The following PFKFB3 variants were observed in gnomAD, a reference collection of about 807,000 sequenced individuals.
The protein encoded by PFKFB3 is 6-phosphofructo-2-kinase/fructose-2,6-biphosphatase 3, also known as 6-phosphofructo-2-kinase/fructose-2,6-bisphosphatase 3.
A neutral mutation model predicts 68.0 loss-of-function variants in PFKFB3; 33 were observed. That is an observed-to-expected ratio of 0.49 (90% CI 0.37 to 0.65). PFKFB3 has a LOEUF of 0.65. Ranked by LOEUF, PFKFB3 falls within the 30% of genes least tolerant of loss-of-function variation. The pLI is 0.00. For missense variants in PFKFB3, 586 were observed against 712.2 expected (o/e 0.82, Z 2.02); for synonymous variants, 315 against 288.2 (o/e 1.09, Z -0.94).
In PFKFB3 at chr10:6,206,575, C is replaced by CGG. The variant is rs1491105357; in HGVS notation, c.76+3239_76+3240insGG. Among the ~76,000 whole-genome samples, 10 of 51,122 alleles carry CGG rather than the reference C, an allele frequency of 2.0e-4. No individual in the cohort carries two copies. The South Asian group carries it at 3.1e-3, about 16-fold the overall frequency. 33.5% of individuals were successfully genotyped at this position (51,122 alleles called of 152,430 possible). A position where few individuals can be genotyped will look rare whatever the true frequency, so the allele number is the denominator to read the frequency against. ...CTCCCGGACGGGGCGGCTGGCCGGGCAGGGGCTGACCCCCCCACCTCCCTC... is the reference window on the plus strand; with the variant it reads ...CTCCCGGACGGGGCGGCTGGCCGGGCGGAGGGGCTGACCCCCCCACCTCCCTC... On this transcript the variant is annotated intron_variant, in intron 1 of 14. Coordinates refer to ENST00000379775, the MANE Select transcript of PFKFB3 (RefSeq NM_004566.4).
chr10:6,241,827 A>C (rs4750161), intron 14 of PFKFB3, among the ~76,000 whole-genome samples: 56,411 of 147,138 alleles, frequency 0.38, 11,029 homozygotes, highest in Middle Eastern at 0.49. Flanking sequence ...CTTTTTTTTA[A>C]TTTTTTTTTG....
Position 6,234,583 on chromosome 10 carries a change from G to A in PFKFB3, c.*1641G>A, listed in dbSNP as rs1845921679. ...ATGTCTCTGTCCGCATTCCCGTGCA[G>A]CTCCAGGCTCGCGCAGTTTTCTCTC... On this transcript the variant is annotated 3_prime_UTR_variant, in exon 15 of 15. Transcript: ENST00000379775. 1 of 152,278 alleles carries A rather than the reference G, an allele frequency of 6.6e-6. No individual in the cohort carries two copies. The highest frequency in any genetic ancestry group is 1.9e-4 in the East Asian group (1 of 5,318). The allele number at this position is 152,278 out of a possible 1,614,324, so 9.4% of individuals were successfully genotyped here.
chr10:6,241,356 G>A (rs866628013), intron 14 of PFKFB3, among the ~76,000 whole-genome samples: 1 of 152,146 alleles, frequency 6.6e-6, no homozygotes, highest in African/African-American at 2.4e-5. Flanking sequence ...TTCCTTCTGG[G>A]GATGTTAACT....
In PFKFB3 at chr10:6,234,617, G is replaced by A. The variant is rs2132063188; in HGVS notation, c.*1675G>A. 6.6e-6 allele frequency: 1 copy of A among 152,348 alleles called. No individual in the cohort carries two copies. Among genetic ancestry groups the A allele is most frequent in the Middle Eastern group, 3.4e-3 (1 of 294 alleles). The allele number at this position is 152,348 out of a possible 1,614,324, so 9.4% of individuals were successfully genotyped here. A position where few individuals can be genotyped will look rare whatever the true frequency, so the allele number is the denominator to read the frequency against. ...TCGCGCAGTTTTCTCTCTCTCCCTGGATGTTGAGTCTCATCAGAATATGTG... is the reference window on the plus strand; with the variant it reads ...TCGCGCAGTTTTCTCTCTCTCCCTGAATGTTGAGTCTCATCAGAATATGTG... On this transcript the variant is annotated 3_prime_UTR_variant, in exon 15 of 15. Coordinates refer to ENST00000379775, the MANE Select transcript of PFKFB3 (RefSeq NM_004566.4).
At chr10:6,208,804 C>T (rs528639635) in intron 1 of PFKFB3, among the ~76,000 whole-genome samples, 7 of 152,298 alleles carry the variant, frequency 4.6e-5, no homozygotes, top group African/African-American at 1.7e-4. Context: ...GTGGGGGATT[C>T]ACCATCCATC....
chr10:6,174,762 CTG>C (rs1842413017), intron 1 of PFKFB3, among the ~76,000 whole-genome samples: 1 of 152,076 alleles, frequency 6.6e-6, no homozygotes. Flanking sequence ...TCTGGGGTCC[CTG>C]TGTGTGTAAA....
In PFKFB3 at chr10:6,154,198, TG is replaced by T. The variant is rs1841693756; in HGVS notation, c.16+9187del. Reference sequence around the variant, plus strand: ...GTAGGGCCTTGTTTGGCCTCTCAGCTGGAGACAGGAAGGCCTGGGAGGGTTT... The same window carrying T: ...GTAGGGCCTTGTTTGGCCTCTCAGCTGAGACAGGAAGGCCTGGGAGGGTTT... On this transcript the variant is annotated intron_variant, in intron 1 of 14. Transcript: ENST00000379789. The surrounding 1 kb of genome is among the most constrained non-coding windows in gnomAD (Gnocchi z 4.6). Among the ~76,000 whole-genome samples, 1 of 150,564 alleles carries T rather than the reference TG, an allele frequency of 6.6e-6. No individual in the cohort carries two copies. Among genetic ancestry groups the T allele is most frequent in the South Asian group, 2.1e-4 (1 of 4,784 alleles).
chr10:6,169,855 T>G (rs1215947021), intron 1 of PFKFB3, among the ~76,000 whole-genome samples: 2 of 152,242 alleles, frequency 1.3e-5, no homozygotes, highest in Non-Finnish European at 2.9e-5. Context: ...AACATTGTTA[T>G]GTCTTGGATG....
chr10:6,153,636 T>C (rs1017763828), intron 1 of PFKFB3, among the ~76,000 whole-genome samples: 1 of 151,922 alleles, frequency 6.6e-6, no homozygotes, highest in South Asian at 2.1e-4. Flanking sequence ...GGCGGATCAG[T>C]TGGGGTCAGG....
At chr10:6,168,205 A>G (rs535678152) in intron 1 of PFKFB3, among the ~76,000 whole-genome samples, 75 of 152,308 alleles carry the variant, frequency 4.9e-4, no homozygotes, top group African/African-American at 1.7e-3. Context: ...CTGGTGGAAG[A>G]TCATGAGGTA....
chr10:6,292,277 T>C, the PFKFB3 span, among the ~76,000 whole-genome samples: 5 of 127,196 alleles, frequency 3.9e-5, no homozygotes, highest in East Asian at 3.0e-4. Flanking sequence ...TTTTTTTTTT[T>C]CTTTTTTTTT....
At chr10:6,314,948 C>T in the PFKFB3 span, among the ~76,000 whole-genome samples, 1 of 152,170 alleles carries the variant, frequency 6.6e-6, no homozygotes, top group Non-Finnish European at 1.5e-5. Flanking sequence ...GGGGCATGGC[C>T]TTGAATAGCA....
chr10:6,177,444 CTT>C (rs1327397275), intron 1 of PFKFB3, among the ~76,000 whole-genome samples: 55 of 108,404 alleles, frequency 5.1e-4, no homozygotes, highest in African/African-American at 1.2e-3. Context: ...CTTTCTCTTT[CTT>C]TCTTTCTTTC....
At chr10:6,214,279 T>TG (rs1844416646) in intron 2 of PFKFB3, among the ~76,000 whole-genome samples, 1 of 152,180 alleles carries the variant, frequency 6.6e-6, no homozygotes, top group Non-Finnish European at 1.5e-5. Context: ...GGGCATGTGA[T>TG]GGATCTAGGT....
chr10:6,260,977 T>C, the PFKFB3 span, among the ~76,000 whole-genome samples: 1 of 152,220 alleles, frequency 6.6e-6, no homozygotes, highest in Non-Finnish European at 1.5e-5. Flanking sequence ...ACAACTTTCC[T>C]AAACAGTGGC....
downstream of PFKFB3, among the ~76,000 whole-genome samples, chr10:6,254,952 G>A (rs1418506902): frequency 1.3e-5 from 2 of 150,848 alleles, no homozygotes; most frequent in African/African-American, 4.9e-5. Context: ...CGCGTAGCTG[G>A]GATTACAGGC....
the PFKFB3 span, among the ~76,000 whole-genome samples, chr10:6,323,365 A>T: frequency 6.6e-6 from 1 of 152,192 alleles, no homozygotes; most frequent in Non-Finnish European, 1.5e-5. Flanking sequence ...GAGAAGGAAG[A>T]GTTTCAATGT....
Position 6,233,160 on chromosome 10 carries a change from G to A in PFKFB3, c.*218G>A. On this transcript the variant is annotated 3_prime_UTR_variant, in exon 15 of 15. Coordinates refer to ENST00000379775, the MANE Select transcript of PFKFB3 (RefSeq NM_004566.4). ...GTGGGTCCCTGGCGCCCTGCCTTTA[G>A]CCGTGGGGCCCCCACCTCCACTCTC... 1 of 546,162 alleles carries A rather than the reference G, an allele frequency of 1.8e-6. No homozygotes were observed. Among genetic ancestry groups the A allele is most frequent in the Non-Finnish European group, 3.3e-6 (1 of 305,008 alleles). 33.8% of individuals were successfully genotyped at this position (546,162 alleles called of 1,614,324 possible).
In PFKFB3 at chr10:6,224,143, C is replaced by T. The variant is rs774403168; in HGVS notation, c.1277-6C>T. ...GCTTCCTCTGCCCCCATCCCACGCC[C>T]TCCAGGCTGCCGTGTGGAATCCATC... is the stretch of plus-strand genomic sequence containing the variant. On this transcript the variant is annotated splice_polypyrimidine_tract_variant and splice_region_variant and intron_variant, in intron 12 of 14. Transcript: ENST00000379775. 2.9e-5 allele frequency: 47 copies of T among 1,614,126 alleles called. No individual in the cohort carries two copies. Among genetic ancestry groups the T allele is most frequent in the African/African-American group, 4.0e-5 (3 of 74,952 alleles).
Sources: allele counts gnomAD v4.1 joint callset (sites outside exome capture counted in the v4.1 genomes callset), GRCh38; gene constraint gnomAD v4.1.1; non-coding constraint Gnocchi (gnomAD v3.1); transcripts MANE v1.5; gene names NCBI Gene and HGNC (gene_info 2026-07-23, HGNC 2026-07-21).